Variants in WWOX observed in about 807,000 individuals in gnomAD.
WWOX encodes WW domain-containing oxidoreductase.
A neutral mutation model predicts 46.2 loss-of-function variants in WWOX; 69 were observed. The observed-to-expected ratio is 1.49, with a 90% CI of 1.23 to 1.82. The LOEUF is 1.82. Among genes scored for constraint, WWOX ranks in the 40% most tolerant of loss-of-function variants. The pLI, the probability that WWOX is intolerant of heterozygous loss-of-function variation, is 0.00. For missense variants in WWOX, 919 were observed against 542.6 expected, an observed-to-expected ratio of 1.69 and a Z score of -6.89; for synonymous variants, 359 against 202.6, an observed-to-expected ratio of 1.77 and a Z score of -6.56.
intron 8 of WWOX, among the ~76,000 whole-genome samples, chr16:78,464,341 G>C (rs1217573291): frequency 6.8e-6 from 1 of 146,140 alleles, no homozygotes; most frequent in Non-Finnish European, 1.5e-5. Context: ...AAGGAAAGAA[G>C]AGAGAGAAGG....
rs564496355 is a variant in WWOX, at chr16:78,214,993, G to T, written c.516+50704G>T. 8.5e-5 allele frequency among the ~76,000 whole-genome samples: 13 copies of T among 152,282 alleles called. No homozygotes were observed. The South Asian group carries it at 2.7e-3, about 32-fold the overall frequency. On this transcript the variant is annotated intron_variant, in intron 5 of 8. Coordinates refer to ENST00000566780, the MANE Select transcript of WWOX (RefSeq NM_016373.4). ...CCATGAGAATGGGTTAAATTAAGAG[G>T]ATTGTCTTTGCTGTTTAGCCAATAT...
intron 8 of WWOX, among the ~76,000 whole-genome samples, chr16:78,906,701 C>G (rs1053037901): frequency 2.0e-5 from 3 of 152,204 alleles, no homozygotes; most frequent in Non-Finnish European, 2.9e-5. Flanking sequence ...GGACCTTATC[C>G]TGTCAGCTCT....
chr16:78,866,993 T>G (rs2151198341), intron 8 of WWOX, among the ~76,000 whole-genome samples: 1 of 152,344 alleles, frequency 6.6e-6, no homozygotes, highest in Admixed American at 6.5e-5. Flanking sequence ...ATTTGTGATT[T>G]GTCATAAACG....
At chr16:78,957,246 C>T (rs1447727623) in intron 8 of WWOX, among the ~76,000 whole-genome samples, 3 of 152,128 alleles carry the variant, frequency 2.0e-5, no homozygotes, top group Non-Finnish European at 4.4e-5. Context: ...TTTTGTGTGA[C>T]GAAATAATTA....
chr16:78,541,770 T>C lies in WWOX; in HGVS notation c.1056+109018T>C, dbSNP rs1219268991. Reference sequence around the variant, plus strand: ...CCCACCTCCCAGGGTTATATGTCAATGGGTTAGGCACAGACCTAGGAACTC... The same window carrying C: ...CCCACCTCCCAGGGTTATATGTCAACGGGTTAGGCACAGACCTAGGAACTC... On this transcript the variant is annotated intron_variant, in intron 8 of 8. Transcript: ENST00000566780. Among the ~76,000 whole-genome samples the C allele has an allele frequency of 5.9e-5, 9 of 152,104 alleles. No individual in the cohort carries two copies. In the East Asian group the frequency reaches 1.6e-3, roughly 26 times the overall value.
chr16:79,167,949 C>G (rs1026770915), intron 8 of WWOX, among the ~76,000 whole-genome samples: 4 of 152,210 alleles, frequency 2.6e-5, no homozygotes, highest in Non-Finnish European at 4.4e-5. Context: ...TTTGCCTATT[C>G]TGGGTATACC....
At chr16:78,815,250 C>T (rs1301191673) in intron 8 of WWOX, among the ~76,000 whole-genome samples, 5 of 151,232 alleles carry the variant, frequency 3.3e-5, no homozygotes, top group East Asian at 2.0e-4. Context: ...CCTTAAGCCT[C>T]GGAGATGGAG....
chr16:78,914,716 A>T (rs542600664), intron 8 of WWOX, among the ~76,000 whole-genome samples: 2 of 150,846 alleles, frequency 1.3e-5, no homozygotes, highest in East Asian at 3.9e-4. Context: ...CGTCTCTACT[A>T]AAAATACAAA....
chr16:78,601,503 T>C (rs545444721), intron 8 of WWOX, among the ~76,000 whole-genome samples: 13 of 151,892 alleles, frequency 8.6e-5, no homozygotes, highest in Admixed American at 7.2e-4. Context: ...CTCCAAGCCA[T>C]TATTCACACA....
At chr16:78,593,340 C>T (rs1191356356) in intron 8 of WWOX, among the ~76,000 whole-genome samples, 1 of 152,170 alleles carries the variant, frequency 6.6e-6, no homozygotes, top group Non-Finnish European at 1.5e-5. Context: ...CATCCCTGGC[C>T]TTGATACTGA....
chr16:78,591,950 C>T (rs2151603566), intron 8 of WWOX, among the ~76,000 whole-genome samples: 1 of 152,352 alleles, frequency 6.6e-6, no homozygotes, highest in Middle Eastern at 3.4e-3. Flanking sequence ...CCATAACCAC[C>T]AGTGTTCCTA....
At chr16:78,425,163 T>G in intron 7 of WWOX, 108 bp downstream of exon 7, 2 of 1,455,822 alleles carry the variant, frequency 1.4e-6, no homozygotes, top group Admixed American at 3.6e-5. Flanking sequence ...GCTTGAGACA[T>G]GTGGGTGGAC....
chr16:78,576,800 C>T lies in WWOX; in HGVS notation c.1056+144048C>T, dbSNP rs372348255. Among the ~76,000 whole-genome samples the T allele has an allele frequency of 3.5e-4, 53 of 152,326 alleles. No individual in the cohort carries two copies. The South Asian group carries it at 7.5e-3, about 21-fold the overall frequency. On this transcript the variant is annotated intron_variant, in intron 8 of 8. Coordinates refer to ENST00000566780, the MANE Select transcript of WWOX (RefSeq NM_016373.4). ...GAGCTATGATTGTGCCACTGCACTTCAGCCTAGGCAACACAACAAGACCCT... is the reference window on the plus strand; with the variant it reads ...GAGCTATGATTGTGCCACTGCACTTTAGCCTAGGCAACACAACAAGACCCT...
At chr16:78,989,836 G>GTGTGTC (rs1555507896) in intron 8 of WWOX, among the ~76,000 whole-genome samples, 1 of 151,156 alleles carries the variant, frequency 6.6e-6, no homozygotes, top group Non-Finnish European at 1.5e-5. Flanking sequence ...GTGTGTGTGT[G>GTGTGTC]TGTGTGTGTG....
chr16:78,865,047 G>A (rs759096724), intron 8 of WWOX, among the ~76,000 whole-genome samples: 1 of 151,998 alleles, frequency 6.6e-6, no homozygotes, highest in Non-Finnish European at 1.5e-5. Flanking sequence ...ACAGGCGTGA[G>A]CCACCGCGCC....
intron 8 of WWOX, among the ~76,000 whole-genome samples, chr16:78,434,503 G>A (rs886919549): frequency 3.3e-5 from 5 of 152,208 alleles, no homozygotes; most frequent in Non-Finnish European, 7.3e-5. Flanking sequence ...TTTAAATGAG[G>A]CATTTAGGAA....
intron 8 of WWOX, among the ~76,000 whole-genome samples, chr16:78,589,549 T>C (rs1200703136): frequency 1.3e-5 from 2 of 152,196 alleles, no homozygotes; most frequent in Admixed American, 1.3e-4. Flanking sequence ...CCTGCAACTC[T>C]TCAGCGCCTC....
chr16:78,523,540 G>A (rs1567620933), intron 8 of WWOX, among the ~76,000 whole-genome samples: 1 of 152,194 alleles, frequency 6.6e-6, no homozygotes, highest in Non-Finnish European at 1.5e-5. Context: ...CTCTCTATCT[G>A]GGTGATGGTG....
intron 5 of WWOX, chr16:78,238,311 T>C (rs947575997): frequency 2.0e-5 from 3 of 152,402 alleles, no homozygotes; most frequent in African/African-American, 7.2e-5. Flanking sequence ...GTTTTGTTTG[T>C]TTTTTTGAGG....
Sources: allele counts gnomAD v4.1 joint callset (sites outside exome capture counted in the v4.1 genomes callset), GRCh38; gene constraint gnomAD v4.1.1; transcripts MANE v1.5; gene names NCBI Gene and HGNC (gene_info 2026-07-23, HGNC 2026-07-21).